ZNF143: variants seen among roughly 807,000 people sequenced by gnomAD.
The protein encoded by ZNF143 is zinc finger protein 143.
ZNF143 carries 49 observed loss-of-function variants against 74.1 expected under a neutral mutation model. That is an observed-to-expected ratio of 0.66 (90% CI 0.53 to 0.84). The LOEUF is 0.84. ZNF143 is among the 40% of genes least tolerant of loss of function. ZNF143 has a pLI of 0.00. For missense variants in ZNF143, 637 were observed against 793.4 expected, an observed-to-expected ratio of 0.80 and a Z score of 2.37; for synonymous variants, 304 against 282.8, an observed-to-expected ratio of 1.07 and a Z score of -0.75.
intron 9 of ZNF143, among the ~76,000 whole-genome samples, chr11:9,496,988 C>G (rs1330342935): frequency 6.6e-6 from 1 of 152,216 alleles, no homozygotes; most frequent in Non-Finnish European, 1.5e-5. Flanking sequence ...GTCATAGACT[C>G]TAACATCAGG....
intron 1 of ZNF143, among the ~76,000 whole-genome samples, chr11:9,463,160 C>T (rs1855975839): frequency 6.6e-6 from 1 of 152,166 alleles, no homozygotes. Flanking sequence ...GAACATAGTA[C>T]ATTTTACTTA....
chr11:9,527,624 A>G lies in ZNF143; in HGVS notation c.*11A>G, dbSNP rs774879651. 9 of 1,611,736 alleles carry G rather than the reference A, an allele frequency of 5.6e-6. No homozygotes were observed. The highest frequency in any genetic ancestry group is 3.3e-5 in the Admixed American group (2 of 59,942). On this transcript the variant is annotated 3_prime_UTR_variant, in exon 16 of 16. Transcript: ENST00000396602. Reference sequence around the variant, plus strand: ...GGGTTGGATGATTAATCCTCAGAACAATGGAGCAATAAAGCAGAAGGAGTC... The same window carrying G: ...GGGTTGGATGATTAATCCTCAGAACGATGGAGCAATAAAGCAGAAGGAGTC...
chr11:9,478,548 C>T lies in ZNF143; in HGVS notation c.532C>T (p.Pro178Ser), dbSNP rs1426981269. Residue 178 changes from proline to serine, a missense_variant, in exon 6 of 16, where the codon CCT (proline) becomes TCT (serine). Coordinates refer to ENST00000396602, the MANE Select transcript of ZNF143 (RefSeq NM_003442.6). ...GCACACTGGGGATGCTACAATTGAC[C>T]CTGACACCATCAGTGCTTTGGAACA... ...GLHTGDATID[P>S]DTISALEQYA... 1.9e-6 allele frequency: 3 copies of T among 1,614,104 alleles called. No individual in the cohort carries two copies. The highest frequency in any genetic ancestry group is 2.2e-5 in the South Asian group (2 of 91,086).
rs1327822251 is a variant in ZNF143, at chr11:9,504,395, A to C, written c.1147+3125A>C. On this transcript the variant is annotated intron_variant, in intron 11 of 15. Transcript: ENST00000396602. Reference sequence around the variant, plus strand: ...TATAACTTTAATTCGAGAGACTTGAATCCAAGTCTCTTATTAGATATATTA... The same window carrying C: ...TATAACTTTAATTCGAGAGACTTGACTCCAAGTCTCTTATTAGATATATTA... 1.6e-5 allele frequency among the ~76,000 whole-genome samples: 2 copies of C among 127,042 alleles called. 1 individual carries two copies. The highest frequency in any genetic ancestry group is 3.7e-5 in the Non-Finnish European group (2 of 53,624). 83.3% of individuals were successfully genotyped at this position (127,042 alleles called of 152,430 possible). A position where few individuals can be genotyped will look rare whatever the true frequency, so the allele number is the denominator to read the frequency against.
chr11:9,522,487 T>G (rs1848970094), intron 14 of ZNF143, among the ~76,000 whole-genome samples: 1 of 152,232 alleles, frequency 6.6e-6, no homozygotes, highest in African/African-American at 2.4e-5. Context: ...GGAATCTATT[T>G]GGCTTTTTTG....
chr11:9,472,559 C>A, intron 2 of ZNF143, 118 bp from the exon 3 acceptor site: 10 of 875,464 alleles, frequency 1.1e-5, no homozygotes, highest in African/African-American at 3.5e-5. Flanking sequence ...GCCGCTAAAT[C>A]TCATTTTGAG....
At chr11:9,461,147 C>CGCGGGCCCAA in intron 1 of ZNF143, 71 bp downstream of exon 1, 2 of 950,586 alleles carry the variant, frequency 2.1e-6, no homozygotes, top group Non-Finnish European at 2.5e-6. Flanking sequence ...AGCGCGGCGG[C>CGCGGGCCCAA]GCGGGCCCGC....
At chr11:9,476,744 A>ATTTTTTTTTT (rs1465968655) in intron 5 of ZNF143, among the ~76,000 whole-genome samples, 2 of 45,986 alleles carry the variant, frequency 4.3e-5, no homozygotes, top group Non-Finnish European at 1.0e-4. Flanking sequence ...AAAGGGAGGA[A>ATTTTTTTTTT]TCTTTTTTTT....
intron 15 of ZNF143, among the ~76,000 whole-genome samples, chr11:9,526,435 C>T (rs922979607): frequency 1.3e-5 from 2 of 151,972 alleles, no homozygotes; most frequent in Admixed American, 6.6e-5. Context: ...ATTTTTTTTC[C>T]GCCCACGTGT....
chr11:9,525,605 C>A, intron 15 of ZNF143: 3 of 578,590 alleles, frequency 5.2e-6, no homozygotes, highest in African/African-American at 1.9e-5. Flanking sequence ...GAATTTATAG[C>A]AAGAAAAAAA....
intron 14 of ZNF143, among the ~76,000 whole-genome samples, chr11:9,519,215 ATT>A (rs35448513): frequency 0.053 from 7,753 of 146,522 alleles, 258 homozygotes; most frequent in Non-Finnish European, 0.077. Flanking sequence ...AGTTTTGCCT[ATT>A]TTTTTTTTTT....
intron 2 of ZNF143, among the ~76,000 whole-genome samples, chr11:9,472,415 G>A (rs1434835092): frequency 2.0e-5 from 3 of 151,942 alleles, no homozygotes; most frequent in Admixed American, 1.3e-4. Context: ...CACCGCGCCC[G>A]ACTAATTTTT....
intron 7 of ZNF143, among the ~76,000 whole-genome samples, chr11:9,484,959 G>A (rs1265133338): frequency 3.3e-5 from 5 of 150,068 alleles, no homozygotes; most frequent in East Asian, 1.9e-4. Context: ...CACCACGCCC[G>A]GCTAATTTTT....
At position 9,484,744 on chromosome 11, in the gene ZNF143, C is replaced by T. The variant is rs565998331; in HGVS notation, c.645+5198C>T. ...CTCCTGACCTCCAGTGATCCACCCACCTCAGCCTCCCAAAGCACTAGGATT... is the reference window on the plus strand; with the variant it reads ...CTCCTGACCTCCAGTGATCCACCCATCTCAGCCTCCCAAAGCACTAGGATT... On this transcript the variant is annotated intron_variant, in intron 7 of 15. Coordinates refer to ENST00000396602, the MANE Select transcript of ZNF143 (RefSeq NM_003442.6). Among the ~76,000 whole-genome samples the T allele has an allele frequency of 3.2e-3, 472 of 148,728 alleles. 21 individuals are homozygous for T. Among genetic ancestry groups the T allele is most frequent in the African/African-American group, 0.011 (452 of 39,560 alleles).
chr11:9,475,903 A>AATATAT (rs1554962054), intron 5 of ZNF143, among the ~76,000 whole-genome samples: 2 of 76,328 alleles, frequency 2.6e-5, no homozygotes, highest in South Asian at 3.9e-4. Context: ...GTCTCAAAAA[A>AATATAT]ATATATATGT....
chr11:9,486,219 A>G lies in ZNF143; in HGVS notation c.645+6673A>G, dbSNP rs375038172. 4.1e-5 allele frequency among the ~76,000 whole-genome samples: 6 copies of G among 145,234 alleles called. No individual in the cohort carries two copies. In the East Asian group the frequency reaches 9.8e-4, roughly 24 times the overall value. ...TGCATCACATAAATGCAACTGCTCA[A>G]TAAATGTCAGTTAGCCTCTTTATTA... On this transcript the variant is annotated intron_variant, in intron 7 of 15. Transcript: ENST00000396602.
At chr11:9,479,635 C>A in intron 7 of ZNF143, 89 bp downstream of exon 7, 1 of 1,038,922 alleles carries the variant, frequency 9.6e-7, no homozygotes, top group Non-Finnish European at 1.4e-6. Context: ...AACTCACTAC[C>A]TCTCTAGGAA....
At chr11:9,520,245 A>T (rs890082041) in intron 14 of ZNF143, among the ~76,000 whole-genome samples, 2 of 150,618 alleles carry the variant, frequency 1.3e-5, no homozygotes, top group Non-Finnish European at 3.0e-5. Context: ...CATGTTGGTC[A>T]GGCTGGTCTC....
intron 14 of ZNF143, among the ~76,000 whole-genome samples, chr11:9,523,626 C>T (rs1034946984): frequency 6.6e-6 from 1 of 151,920 alleles, no homozygotes; most frequent in Non-Finnish European, 1.5e-5. Context: ...CCCAGCTACT[C>T]GGGAGGCTGA....
Sources: allele counts gnomAD v4.1 joint callset (sites outside exome capture counted in the v4.1 genomes callset), GRCh38; gene constraint gnomAD v4.1.1; transcripts MANE v1.5; gene names NCBI Gene and HGNC (gene_info 2026-07-23, HGNC 2026-07-21).